The following TAFA4 variants were observed in gnomAD, a reference collection of about 807,000 sequenced individuals.
The protein encoded by TAFA4 is TAFA chemokine like family member 4.
Under a neutral mutation model 21.1 loss-of-function variants are expected in TAFA4, and 20 were observed. That is an observed-to-expected ratio of 0.95 (90% confidence interval 0.67 to 1.38). The LOEUF (loss-of-function observed/expected upper bound fraction) is 1.38, where lower values mean the gene tolerates loss of function less well. Ranked by LOEUF, TAFA4 falls within the 40% of genes most tolerant of loss-of-function variation. TAFA4 has a pLI of 0.00. For missense variants in TAFA4, 211 were observed against 180.9 expected (o/e 1.17, Z -0.95); for synonymous variants, 71 against 67.4 (o/e 1.05, Z -0.26).
chr3:68,787,105 T>C (rs1409836865), intron 3 of TAFA4, among the ~76,000 whole-genome samples: 1 of 152,168 alleles, frequency 6.6e-6, no homozygotes, highest in Non-Finnish European at 1.5e-5. Flanking sequence ...AGGAGCCTCA[T>C]AATTAAAGAA....
At chr3:68,900,815 C>T (rs149246243) in intron 1 of TAFA4, among the ~76,000 whole-genome samples, 2,097 of 152,256 alleles carry the variant, frequency 0.014, 27 homozygotes, top group Middle Eastern at 0.027. Context: ...TTTGGTTTTG[C>T]AATCACAGTT....
intron 3 of TAFA4, among the ~76,000 whole-genome samples, chr3:68,843,398 T>C (rs893139385): frequency 2.6e-5 from 4 of 152,064 alleles, no homozygotes; most frequent in African/African-American, 9.7e-5. Context: ...CTTTACTGAA[T>C]TATCAGCTTA....
chr3:68,850,842 C>G (rs1262912295), intron 3 of TAFA4, among the ~76,000 whole-genome samples: 1 of 151,888 alleles, frequency 6.6e-6, no homozygotes, highest in Admixed American at 6.6e-5. Flanking sequence ...TGCCTGTTCT[C>G]TCTGATGATA....
At chr3:68,861,143 T>C (rs2089337409) in intron 3 of TAFA4, among the ~76,000 whole-genome samples, 1 of 151,022 alleles carries the variant, frequency 6.6e-6, no homozygotes, top group Non-Finnish European at 1.5e-5. Flanking sequence ...AGCATTTTTG[T>C]TGTTGCCATT....
intron 1 of TAFA4, among the ~76,000 whole-genome samples, chr3:68,892,138 T>C (rs1335838233): frequency 6.6e-6 from 1 of 152,210 alleles, no homozygotes; most frequent in African/African-American, 2.4e-5. Flanking sequence ...ATATGTGGAA[T>C]TACTTTTGTA....
chr3:68,784,097 TGTC>T (rs1703205375), intron 3 of TAFA4, among the ~76,000 whole-genome samples: 1 of 152,224 alleles, frequency 6.6e-6, no homozygotes, highest in Admixed American at 6.5e-5. Context: ...ACAGATTGCT[TGTC>T]ATCATATGAA....
At chr3:68,738,672 G>C (rs1432073090) in intron 5 of TAFA4, among the ~76,000 whole-genome samples, 4 of 152,198 alleles carry the variant, frequency 2.6e-5, no homozygotes, top group Non-Finnish European at 5.9e-5. Flanking sequence ...TGGCTTCTAA[G>C]TCTTGAATAA....
intron 1 of TAFA4, among the ~76,000 whole-genome samples, chr3:68,909,057 TA>T (rs2089930554): frequency 6.6e-6 from 1 of 152,232 alleles, no homozygotes; most frequent in Non-Finnish European, 1.5e-5. Context: ...TAGTTTTGTT[TA>T]ATTCTAATTC....
At chr3:68,805,613 C>T (rs374524424) in intron 3 of TAFA4, among the ~76,000 whole-genome samples, 1 of 152,112 alleles carries the variant, frequency 6.6e-6, no homozygotes, top group Non-Finnish European at 1.5e-5. Flanking sequence ...CACCATGGAA[C>T]ACTATGCAGC....
chr3:68,838,829 G>A (rs1021288228), intron 3 of TAFA4, among the ~76,000 whole-genome samples: 1 of 152,114 alleles, frequency 6.6e-6, no homozygotes, highest in African/African-American at 2.4e-5. Flanking sequence ...AGGCGCAGTG[G>A]CTCATGCCTC....
intron 4 of TAFA4, among the ~76,000 whole-genome samples, chr3:68,739,732 T>G (rs955935787): frequency 3.3e-5 from 5 of 152,202 alleles, no homozygotes; most frequent in Admixed American, 6.5e-5. Flanking sequence ...GCACCATGGA[T>G]GGAACTGGAG....
intron 1 of TAFA4, among the ~76,000 whole-genome samples, chr3:68,923,734 C>T (rs2107027802): frequency 6.6e-6 from 1 of 152,240 alleles, no homozygotes; most frequent in South Asian, 2.1e-4. Flanking sequence ...ACTGTTAGAG[C>T]TTCTCCTTAG....
At chr3:68,874,270 C>T (rs1420637509) in intron 3 of TAFA4, among the ~76,000 whole-genome samples, 1 of 152,116 alleles carries the variant, frequency 6.6e-6, no homozygotes, top group Admixed American at 6.6e-5. Context: ...ACAATCAATC[C>T]TTTGTAATGG....
At chr3:68,738,927 T>C (rs1702292643) in intron 5 of TAFA4, 148 bp downstream of exon 5, 2 of 1,114,080 alleles carry the variant, frequency 1.8e-6, no homozygotes, top group East Asian at 2.6e-5. Context: ...AAATGCGCTT[T>C]TCAAAAAGGC....
chr3:68,925,079 G>T (rs1436730389), intron 1 of TAFA4, among the ~76,000 whole-genome samples: 2 of 152,152 alleles, frequency 1.3e-5, no homozygotes, highest in Non-Finnish European at 2.9e-5. Context: ...CTTCTAAGCA[G>T]ACCTAGACAA....
intron 4 of TAFA4, among the ~76,000 whole-genome samples, chr3:68,739,664 T>C (rs1193261477): frequency 6.6e-6 from 1 of 152,186 alleles, no homozygotes; most frequent in African/African-American, 2.4e-5. Context: ...AAATGTGGTA[T>C]AGATATGCTA....
intron 3 of TAFA4, among the ~76,000 whole-genome samples, chr3:68,831,598 C>G (rs1459045539): frequency 6.6e-6 from 1 of 152,194 alleles, no homozygotes; most frequent in Non-Finnish European, 1.5e-5. Context: ...CGACCTTTCT[C>G]TCTGGCTGCC....
At chr3:68,856,983 G>A (rs981211119) in intron 3 of TAFA4, among the ~76,000 whole-genome samples, 5 of 152,118 alleles carry the variant, frequency 3.3e-5, no homozygotes, top group Admixed American at 2.0e-4. Flanking sequence ...CCAGGATCAA[G>A]GATAAAGTCA....
At chr3:68,867,921 G>A (rs1176545805) in intron 3 of TAFA4, among the ~76,000 whole-genome samples, 1 of 151,994 alleles carries the variant, frequency 6.6e-6, no homozygotes, top group Non-Finnish European at 1.5e-5. Context: ...GAAGAAGACA[G>A]TAACAAAGGA....
Sources: allele counts gnomAD v4.1 joint callset (sites outside exome capture counted in the v4.1 genomes callset), GRCh38; gene constraint gnomAD v4.1.1; transcripts MANE v1.5; gene names NCBI Gene and HGNC (gene_info 2026-07-23, HGNC 2026-07-21).